NEGR1: variants seen among roughly 807,000 people sequenced by gnomAD.
The protein encoded by NEGR1 is neuronal growth regulator 1.
A neutral mutation model predicts 40.9 loss-of-function variants in NEGR1; 10 were observed. The observed-to-expected ratio is 0.24, with a 90% CI of 0.15 to 0.42. The LOEUF is 0.42. NEGR1 is among the 10% of genes least tolerant of loss of function. The probability of loss-of-function intolerance (pLI) is 1.00; values close to 1 mark genes in which losing one functional copy is unlikely to be tolerated. For missense variants in NEGR1, 352 were observed against 438.9 expected, an observed-to-expected ratio of 0.80 and a Z score of 1.77; for synonymous variants, 185 against 166.8, an observed-to-expected ratio of 1.11 and a Z score of -0.84.
chr1:71,673,921 G>A (rs998888632), intron 4 of NEGR1, among the ~76,000 whole-genome samples: 1 of 151,922 alleles, frequency 6.6e-6, no homozygotes, highest in Non-Finnish European at 1.5e-5. Context: ...AAATTTAGAG[G>A]TTACTGTTAG....
At chr1:71,738,864 C>A (rs560420244) in intron 3 of NEGR1, among the ~76,000 whole-genome samples, 79 of 152,176 alleles carry the variant, frequency 5.2e-4, no homozygotes, top group African/African-American at 1.9e-3. Context: ...AATGTTTATA[C>A]ATTGTATGTA....
chr1:72,193,856 A>G (rs1254715619), intron 1 of NEGR1, among the ~76,000 whole-genome samples: 3 of 151,606 alleles, frequency 2.0e-5, no homozygotes, highest in Non-Finnish European at 4.4e-5. Context: ...CCCATACACC[A>G]TTTTAATTTT....
intron 1 of NEGR1, among the ~76,000 whole-genome samples, chr1:72,184,952 A>C (rs1652557614): frequency 6.6e-6 from 1 of 152,064 alleles, no homozygotes; most frequent in South Asian, 2.1e-4. Flanking sequence ...AACAAATGTT[A>C]GCTATTATTA....
At position 71,993,561 on chromosome 1, in the gene NEGR1, T is replaced by C. The variant is rs1646474506; in HGVS notation, c.177-58250A>G. 2.0e-5 allele frequency among the ~76,000 whole-genome samples: 3 copies of C among 152,324 alleles called. No individual in the cohort carries two copies. In the South Asian group the frequency reaches 6.2e-4, roughly 32 times the overall value. ...AAACTGAATTGTTTTATTAAAATTA[T>C]TATATTATCTCTTCCTGTAAGAAAA... On this transcript the variant is annotated intron_variant, in intron 1 of 6. Transcript: ENST00000357731.
intron 2 of NEGR1, among the ~76,000 whole-genome samples, chr1:71,810,843 T>C (rs1657976160): frequency 6.6e-6 from 1 of 152,154 alleles, no homozygotes; most frequent in Non-Finnish European, 1.5e-5. Flanking sequence ...CCAGCCATGC[T>C]TCCTGTACAG....
At chr1:71,861,815 T>A (rs966774431) in intron 2 of NEGR1, among the ~76,000 whole-genome samples, 3 of 152,082 alleles carry the variant, frequency 2.0e-5, no homozygotes, top group African/African-American at 7.2e-5. Flanking sequence ...TTTAACCATT[T>A]AAGAGGTCTT....
At position 71,914,068 on chromosome 1, in the gene NEGR1, C is replaced by T. The variant is rs145726973; in HGVS notation, c.409+21011G>A. ...AATATAAGAAGATTGTGAGATATTTCTGGTCCTTGAGATCAGAGCTTATGG... is the reference window on the plus strand; with the variant it reads ...AATATAAGAAGATTGTGAGATATTTTTGGTCCTTGAGATCAGAGCTTATGG... On this transcript the variant is annotated intron_variant, in intron 2 of 6. Transcript: ENST00000357731. 5.7e-3 allele frequency among the ~76,000 whole-genome samples: 868 copies of T among 152,274 alleles called. 3 individuals carry two copies. Among genetic ancestry groups the T allele is most frequent in the African/African-American group, 0.02 (821 of 41,552 alleles).
At chr1:71,508,937 A>C (rs1647054053) in intron 6 of NEGR1, among the ~76,000 whole-genome samples, 1 of 152,188 alleles carries the variant, frequency 6.6e-6, no homozygotes, top group Non-Finnish European at 1.5e-5. Flanking sequence ...AAGACCCCCT[A>C]GGGTGATTTG....
intron 1 of NEGR1, among the ~76,000 whole-genome samples, chr1:72,086,686 C>A (rs112156833): frequency 0.014 from 2,120 of 152,000 alleles, 49 homozygotes; most frequent in African/African-American, 0.048. Context: ...AGTGTTGTTC[C>A]GGTTGATCTG....
intron 2 of NEGR1, among the ~76,000 whole-genome samples, chr1:71,894,233 A>ATTT (rs1429215934): frequency 1.7e-5 from 2 of 120,450 alleles, no homozygotes; most frequent in African/African-American, 6.9e-5. Flanking sequence ...AATAATAATA[A>ATTT]AAAAAGAAAA....
chr1:72,007,485 C>G (rs1184098375), intron 1 of NEGR1, among the ~76,000 whole-genome samples: 1 of 152,066 alleles, frequency 6.6e-6, no homozygotes, highest in African/African-American at 2.4e-5. Context: ...GCAGGGGAAG[C>G]CAGGGTGCCC....
At chr1:71,948,591 GT>G (rs1440829580) in intron 1 of NEGR1, among the ~76,000 whole-genome samples, 2 of 151,908 alleles carry the variant, frequency 1.3e-5, no homozygotes, top group Non-Finnish European at 2.9e-5. Context: ...AGTAAAAAAA[GT>G]GACACACTTT....
intron 1 of NEGR1, among the ~76,000 whole-genome samples, chr1:71,981,937 A>G (rs559502191): frequency 5.3e-5 from 8 of 152,276 alleles, no homozygotes; most frequent in Admixed American, 2.6e-4. Context: ...GGAAACATAA[A>G]TCATATTGTT....
At chr1:72,153,229 T>C (rs1416564772) in intron 1 of NEGR1, among the ~76,000 whole-genome samples, 1 of 151,738 alleles carries the variant, frequency 6.6e-6, no homozygotes, top group African/African-American at 2.4e-5. Context: ...AACAAAGACA[T>C]GATAGAGATG....
intron 3 of NEGR1, among the ~76,000 whole-genome samples, chr1:71,771,613 C>A (rs1656326874): frequency 7.1e-6 from 1 of 140,474 alleles, no homozygotes; most frequent in South Asian, 2.3e-4. Context: ...ACAGGAGAAT[C>A]GTTTGAACCT....
At chr1:71,709,933 T>C (rs1349750663) in intron 3 of NEGR1, among the ~76,000 whole-genome samples, 2 of 152,140 alleles carry the variant, frequency 1.3e-5, no homozygotes, top group Non-Finnish European at 2.9e-5. Context: ...AAGGATACAG[T>C]CTATGAGTTG....
rs373164408 is a variant in NEGR1, at chr1:72,059,001, C to T, written c.177-123690G>A. 2.0e-4 allele frequency among the ~76,000 whole-genome samples: 31 copies of T among 151,684 alleles called. No homozygotes were observed. The East Asian group carries it at 5.1e-3, about 25-fold the overall frequency. On this transcript the variant is annotated intron_variant, in intron 1 of 6. Transcript: ENST00000357731. Reference sequence around the variant, plus strand: ...AATGAAGACTTTACTTTTACAACATCACAAAATGGAAAATGCGCATTGGAA... The same window carrying T: ...AATGAAGACTTTACTTTTACAACATTACAAAATGGAAAATGCGCATTGGAA...
intron 1 of NEGR1, among the ~76,000 whole-genome samples, chr1:72,257,158 T>C (rs563197686): frequency 7.3e-5 from 11 of 151,656 alleles, no homozygotes; most frequent in African/African-American, 2.7e-4. Context: ...CCGTCTCTAC[T>C]AAAAATACAA....
intron 4 of NEGR1, among the ~76,000 whole-genome samples, chr1:71,677,710 A>G (rs1652691499): frequency 6.6e-6 from 1 of 152,184 alleles, no homozygotes; most frequent in African/African-American, 2.4e-5. Context: ...CAGCATGACC[A>G]CGCTGATTCT....
Sources: gnomAD v4.1 joint callset for allele counts (sites outside exome capture counted in the v4.1 genomes callset) on GRCh38, gnomAD v4.1.1 for gene constraint, MANE v1.5 for transcripts, NCBI Gene and HGNC (gene_info 2026-07-23, HGNC 2026-07-21) for gene names.